Variants in WNT9B observed in about 807,000 individuals in gnomAD.
The protein encoded by WNT9B is protein Wnt-9b.
A neutral mutation model predicts 30.2 loss-of-function variants in WNT9B; 12 were observed. The ratio of observed to expected loss-of-function variants is 0.40; its 90% CI spans 0.26 to 0.64. The LOEUF (loss-of-function observed/expected upper bound fraction) is 0.64, where lower values mean the gene tolerates loss of function less well. Ranked by LOEUF, WNT9B falls within the 30% of genes least tolerant of loss-of-function variation. The probability of loss-of-function intolerance (pLI) is 0.42; values close to 1 mark genes in which losing one functional copy is unlikely to be tolerated. For synonymous variants in WNT9B, 218 were observed against 216.9 expected (o/e 1.01, Z -0.05); for missense variants, 442 against 485.2 (o/e 0.91, Z 0.84).
chr17:46,866,638 C>G (rs900112075), intron 1 of WNT9B, among the ~76,000 whole-genome samples: 3 of 152,016 alleles, frequency 2.0e-5, no homozygotes, highest in Admixed American at 1.3e-4. Context: ...GCCAGCACCC[C>G]GGGCAGCACA....
At chr17:46,883,261 C>T (rs1286972039), downstream of WNT9B, among the ~76,000 whole-genome samples, 9 of 150,558 alleles carry the variant, frequency 6.0e-5, no homozygotes, top group East Asian at 2.0e-4. Flanking sequence ...GGATTACAGG[C>T]GTGAGCTACT....
intron 1 of WNT9B, among the ~76,000 whole-genome samples, chr17:46,857,848 A>G (rs568425570): frequency 1.3e-5 from 2 of 152,260 alleles, no homozygotes; most frequent in African/African-American, 4.8e-5. Context: ...TCCCATGTGT[A>G]TATTGGTCAT....
Position 46,833,209 on chromosome 17 carries a change from G to T in WNT9B, c.-137G>T, listed in dbSNP as rs117362700. 467 of 397,674 alleles carry T rather than the reference G, an allele frequency of 1.2e-3. 7 individuals are homozygous for T. Among genetic ancestry groups the T allele is most frequent in the South Asian group, 8.5e-3 (456 of 53,670 alleles). 24.6% of individuals were successfully genotyped at this position (397,674 alleles called of 1,614,324 possible). ...TCAGCACAGAGGACGTCAGCAAACCGGGAAGCAGCATGTGCGTGGAAGCTG... is the reference window on the plus strand; with the variant it reads ...TCAGCACAGAGGACGTCAGCAAACCTGGAAGCAGCATGTGCGTGGAAGCTG... On this transcript the variant is annotated 5_prime_UTR_variant, in exon 1 of 3. Coordinates refer to the WNT9B transcript ENST00000575372.
At position 46,838,046 on chromosome 17, in the gene WNT9B, A is replaced by G. The variant is rs111477967; in HGVS notation, c.95+4606A>G. ...GGGACAACTTTAGGCCATTGCTCCA[A>G]CCCCTGTGTTGAGGGGGTGGAGGAA... On this transcript the variant is annotated intron_variant, in intron 1 of 2. Transcript: ENST00000575372. 9.2e-3 allele frequency among the ~76,000 whole-genome samples: 1,406 copies of G among 152,046 alleles called. 24 individuals carry two copies. Among genetic ancestry groups the G allele is most frequent in the African/African-American group, 0.031 (1,302 of 41,472 alleles).
chr17:46,846,082 T>C (rs896856268), intron 1 of WNT9B, among the ~76,000 whole-genome samples: 2 of 152,190 alleles, frequency 1.3e-5, no homozygotes, highest in African/African-American at 4.8e-5. Flanking sequence ...TGAACCACCG[T>C]GCCCGGCCAT....
At chr17:46,884,756 C>G (rs2085468840), downstream of WNT9B, among the ~76,000 whole-genome samples, 2 of 152,156 alleles carry the variant, frequency 1.3e-5, no homozygotes, top group Non-Finnish European at 2.9e-5. Context: ...TGCCTGAGGT[C>G]ACACAGCAAG....
At chr17:46,868,313 T>C (rs936329463) in intron 1 of WNT9B, among the ~76,000 whole-genome samples, 14 of 152,154 alleles carry the variant, frequency 9.2e-5, no homozygotes, top group African/African-American at 1.7e-4. Flanking sequence ...CATATTTGGC[T>C]GGGCGTGGTG....
At chr17:46,864,933 G>A (rs1392144228) in intron 1 of WNT9B, among the ~76,000 whole-genome samples, 1 of 152,142 alleles carries the variant, frequency 6.6e-6, no homozygotes, top group Non-Finnish European at 1.5e-5. Flanking sequence ...GACCTTAAAG[G>A]GTTTCTCCAG....
chr17:46,880,537 T>G lies in WNT9B; in HGVS notation c.*3819T>G, dbSNP rs1264894536. 4.6e-5 allele frequency among the ~76,000 whole-genome samples: 7 copies of G among 152,144 alleles called. No individual in the cohort carries two copies. The highest frequency in any genetic ancestry group is 1.4e-4 in the African/African-American group (6 of 41,420). ...GTGGGTGAGAAAGACAATAAACCAA[T>G]AAATGACATGCCAGTTATTTGCATT... On this transcript the variant is annotated 3_prime_UTR_variant, in exon 4 of 4. Coordinates refer to ENST00000290015, the MANE Select transcript of WNT9B (RefSeq NM_003396.3).
intron 1 of WNT9B, among the ~76,000 whole-genome samples, chr17:46,843,062 A>C (rs907031106): frequency 6.6e-6 from 1 of 152,250 alleles, no homozygotes; most frequent in Admixed American, 6.5e-5. Context: ...GTGGTATTGC[A>C]ACCAGGCCAC....
chr17:46,848,634 G>A (rs113984169), upstream of WNT9B, among the ~76,000 whole-genome samples: 1,412 of 152,352 alleles, frequency 9.3e-3, 25 homozygotes, highest in African/African-American at 0.032. Context: ...ACACTTAGGA[G>A]GTACACGATG....
intron 1 of WNT9B, among the ~76,000 whole-genome samples, chr17:46,843,032 G>C (rs2084734159): frequency 6.6e-6 from 1 of 152,226 alleles, no homozygotes; most frequent in Admixed American, 6.5e-5. Context: ...GTTGTTGCTA[G>C]TGACTCCTAT....
At chr17:46,856,091 T>C (rs2084933551) in intron 1 of WNT9B, among the ~76,000 whole-genome samples, 1 of 152,246 alleles carries the variant, frequency 6.6e-6, no homozygotes. Context: ...GTTTCTTCAG[T>C]GTGTGACCTC....
downstream of WNT9B, chr17:46,884,955 C>A: frequency 2.5e-6 from 1 of 397,104 alleles, no homozygotes; most frequent in African/African-American, 2.1e-5. Context: ...CTCCTGCAAC[C>A]CATCAAATAG....
intron 1 of WNT9B, among the ~76,000 whole-genome samples, chr17:46,868,039 A>G (rs2085169750): frequency 6.6e-6 from 1 of 152,126 alleles, no homozygotes; most frequent in Non-Finnish European, 1.5e-5. Context: ...TAATGGGAAA[A>G]GAGAGGCTGG....
intron 1 of WNT9B, chr17:46,833,587 T>C: frequency 2.7e-6 from 1 of 368,062 alleles, no homozygotes; most frequent in Non-Finnish European, 5.4e-6. Context: ...CTCAGTGTGG[T>C]GGGCAGCCCT....
chr17:46,860,197 A>T (rs942888893), intron 1 of WNT9B, among the ~76,000 whole-genome samples: 2 of 152,162 alleles, frequency 1.3e-5, no homozygotes, highest in Non-Finnish European at 2.9e-5. Context: ...TAGCCTCTTC[A>T]GTGGATGATG....
Position 46,875,216 on chromosome 17 carries a change from G to T in WNT9B, c.450G>T (p.Gly150=), listed in dbSNP as rs1226739830. The change falls in exon 3 of 4, where the codon GGG becomes GGT. Residue 150 remains glycine (G), a synonymous_variant. Transcript: ENST00000290015. ...GCTGCACCTGTGATGACTCTCCGGG[G>T]CTGGAGAGCCGGCAGGCCTGGCAGT... is the stretch of plus-strand genomic sequence containing the variant. ...MERCTCDDSP[G]LESRQAWQWG... is the part of the protein sequence containing the mutation. The T allele has an allele frequency of 6.2e-7, 1 of 1,614,202 alleles. No individual in the cohort carries two copies. Among genetic ancestry groups the T allele is most frequent in the Non-Finnish European group, 8.5e-7 (1 of 1,180,052 alleles).
chr17:46,867,782 G>A (rs2085164680), intron 1 of WNT9B, among the ~76,000 whole-genome samples: 1 of 152,184 alleles, frequency 6.6e-6, no homozygotes, highest in Non-Finnish European at 1.5e-5. Flanking sequence ...GAGTGTGTGA[G>A]ATGAAGCCCT....
Sources: allele counts gnomAD v4.1 joint callset (sites outside exome capture counted in the v4.1 genomes callset), GRCh38; gene constraint gnomAD v4.1.1; transcripts MANE v1.5; gene names NCBI Gene and HGNC (gene_info 2026-07-23, HGNC 2026-07-21).